PFKP: variants seen among roughly 807,000 people sequenced by gnomAD.
PFKP encodes phosphofructokinase, platelet, also known as ATP-dependent 6-phosphofructokinase, platelet type.
PFKP carries 101 observed loss-of-function variants against 94.3 expected under a neutral mutation model. That is an observed-to-expected ratio of 1.07 (90% confidence interval 0.91 to 1.26). The LOEUF (loss-of-function observed/expected upper bound fraction) is 1.26. Ranked by LOEUF, PFKP falls within the 50% of genes most tolerant of loss-of-function variation. PFKP has a pLI of 0.00. For missense variants in PFKP, 1,145 were observed against 1,103.3 expected, an observed-to-expected ratio of 1.04 and a Z score of -0.53; for synonymous variants, 573 against 432.6, an observed-to-expected ratio of 1.32 and a Z score of -4.03.
intron 1 of PFKP, chr10:3,068,698 G>C (rs974828128): frequency 3.7e-5 from 36 of 984,758 alleles, no homozygotes; most frequent in Non-Finnish European, 4.1e-5. Flanking sequence ...TGGGGGCGCC[G>C]GTGCCCGGAT....
chr10:3,093,276 C>G (rs1478417263), intron 2 of PFKP, among the ~76,000 whole-genome samples: 2 of 152,064 alleles, frequency 1.3e-5, no homozygotes, highest in Non-Finnish European at 1.5e-5. Flanking sequence ...AAAGACCAAG[C>G]AAGGTTGTCC....
At chr10:3,125,991 ACTG>A (rs1280090745) in intron 16 of PFKP, among the ~76,000 whole-genome samples, 2 of 152,182 alleles carry the variant, frequency 1.3e-5, no homozygotes, top group African/African-American at 4.8e-5. Context: ...GCAAAGCAGA[ACTG>A]CTGGCCGGGG....
chr10:3,080,385 C>T (rs1455712327), intron 1 of PFKP, among the ~76,000 whole-genome samples: 1 of 151,888 alleles, frequency 6.6e-6, no homozygotes, highest in Non-Finnish European at 1.5e-5. Context: ...GGCGTGGTGG[C>T]GGGCGCCTGT....
At position 3,108,745 on chromosome 10, in the gene PFKP, C is replaced by T. The variant is rs1459573061; in HGVS notation, c.915C>T (p.Leu305=). The stretch of plus-strand genomic sequence containing the variant: ...GCTATGACACACGTGTGACCATCCT[C>T]GGGCACGTGCAGAGAGGAGGGACCC... ...QLGYDTRVTI[L]GHVQRGGTPS... Residue 305 remains leucine (L), a synonymous_variant, in exon 9 of 22, where the codon CTC becomes CTT. Transcript: ENST00000381125. 18 of 1,613,852 alleles carry T rather than the reference C, an allele frequency of 1.1e-5. No homozygotes were observed. Among genetic ancestry groups the T allele is most frequent in the South Asian group, 8.8e-5 (8 of 91,078 alleles).
intron 4 of PFKP, among the ~76,000 whole-genome samples, chr10:3,102,213 T>C (rs1835079403): frequency 1.7e-5 from 2 of 114,418 alleles, no homozygotes; most frequent in African/African-American, 6.7e-5. Context: ...GTCCCGCCAC[T>C]GCACTCCAGC....
Position 3,123,174 on chromosome 10 carries a change from G to A in PFKP, c.1683+3130G>A, listed in dbSNP as rs376459324. Among the ~76,000 whole-genome samples, 198 of 152,318 alleles carry A rather than the reference G, an allele frequency of 1.3e-3. 9 individuals carry two copies. In the South Asian group the frequency reaches 0.04, roughly 31 times the overall value. ...CGGTGTGACACGTTCTCAGGATACG[G>A]CTGCAGGGAGTTTCAGTCCGACCCT... is the stretch of plus-strand genomic sequence containing the variant. On this transcript the variant is annotated intron_variant, in intron 16 of 21. Coordinates refer to ENST00000381125, the MANE Select transcript of PFKP (RefSeq NM_002627.5).
At chr10:3,125,304 G>A in intron 16 of PFKP, 2 of 1,159,362 alleles carry the variant, frequency 1.7e-6, no homozygotes, top group South Asian at 3.1e-5. Context: ...TTAGCAACTT[G>A]TTTCTTCTGT....
rs1399669536 is a variant in PFKP, at chr10:3,107,308, A to G, written c.869A>G (p.Glu290Gly). The stretch of plus-strand genomic sequence containing the variant: ...CCCATCACCTCTGAGAAAATCAAAG[A>G]GGTGAGTGTGTGTAGCTGCTCACTT... ...NKPITSEKIKELVVTQLGYDT... is the reference protein window; with the variant it reads ...NKPITSEKIKGLVVTQLGYDT... The change falls in exon 8 of 22, where the codon GAG becomes GGG. Residue 290 changes from glutamate (E) to glycine (G), a missense_variant and splice_region_variant. Transcript: ENST00000381125. 6.3e-7 allele frequency: 1 copy of G among 1,581,688 alleles called. No homozygotes were observed. Among genetic ancestry groups the G allele is most frequent in the Admixed American group, 1.7e-5 (1 of 59,950 alleles).
At chr10:3,099,181 C>A (rs1834751104) in intron 2 of PFKP, 94 bp from the exon 3 acceptor site, 3 of 966,396 alleles carry the variant, frequency 3.1e-6, no homozygotes, top group Non-Finnish European at 5.0e-6. Context: ...AACTGACATT[C>A]ACTGTCATTT....
At chr10:3,069,817 C>T (rs980081249) in intron 1 of PFKP, among the ~76,000 whole-genome samples, 1 of 152,140 alleles carries the variant, frequency 6.6e-6, no homozygotes, top group African/African-American at 2.4e-5. Flanking sequence ...TGCTAAAATG[C>T]GCGGGAGTTT....
At chr10:3,102,897 C>G (rs1676393195) in intron 4 of PFKP, among the ~76,000 whole-genome samples, 1 of 152,376 alleles carries the variant, frequency 6.6e-6, no homozygotes, top group East Asian at 1.9e-4. Context: ...GCTTGTCCAC[C>G]TCATCCCGTC....
chr10:3,128,236 A>C (rs534101089), intron 16 of PFKP, among the ~76,000 whole-genome samples: 3 of 152,330 alleles, frequency 2.0e-5, no homozygotes, highest in African/African-American at 7.2e-5. Flanking sequence ...TCCTGTCCTC[A>C]TGGAATTTGC....
At chr10:3,134,658 G>C (rs988247135) in intron 20 of PFKP, 76 bp downstream of exon 20, 1 of 880,794 alleles carries the variant, frequency 1.1e-6, no homozygotes, top group African/African-American at 1.7e-5. Context: ...TGTCCTATCG[G>C]GGAGAAGTAG....
Position 3,136,450 on chromosome 10 carries a change from G to A in PFKP, c.2226G>A (p.Glu742=), listed in dbSNP as rs1017484538. ...VAELKKQTDF[E]HRIPKEQWWL... is the part of the protein sequence containing the mutation. ...CTGCTGTCTCCTCTTACCTCCACAGGCACAGGATTCCCAAAGAACAGTGGT... is the reference window on the plus strand; with the variant it reads ...CTGCTGTCTCCTCTTACCTCCACAGACACAGGATTCCCAAAGAACAGTGGT... Residue 742 remains glutamate (E), a splice_region_variant and synonymous_variant, in exon 22 of 22, where the codon GAG becomes GAA. Transcript: ENST00000381125. 1 of 1,613,146 alleles carries A rather than the reference G, an allele frequency of 6.2e-7. No homozygotes were observed. Among genetic ancestry groups the A allele is most frequent in the African/African-American group, 1.3e-5 (1 of 74,876 alleles).
At chr10:3,079,445 A>G (rs1272054884) in intron 1 of PFKP, among the ~76,000 whole-genome samples, 2 of 151,996 alleles carry the variant, frequency 1.3e-5, no homozygotes, top group Non-Finnish European at 2.9e-5. Context: ...CATGTTAGCC[A>G]GGATGGTCTC....
chr10:3,133,405 T>C (rs941533450), intron 19 of PFKP, 91 bp downstream of exon 19: 24 of 846,228 alleles, frequency 2.8e-5, no homozygotes, highest in African/African-American at 5.0e-5. Context: ...TGGGGAAAAA[T>C]GTATAAGTAA....
chr10:3,133,159 C>T, intron 18 of PFKP, 44 bp from the exon 19 acceptor site: 6 of 1,432,942 alleles, frequency 4.2e-6, no homozygotes, highest in Non-Finnish European at 5.9e-6. Context: ...GAGCCACGTG[C>T]CCACTGCACG....
Position 3,133,322 on chromosome 10 carries a change from C to T in PFKP, c.2022+8C>T, listed in dbSNP as rs573406548. The T allele has an allele frequency of 9.6e-6, 15 of 1,567,054 alleles. No individual in the cohort carries two copies. The highest frequency in any genetic ancestry group is 5.4e-5 in the African/African-American group (4 of 73,962). ...CTGGGTCACATGCAGCAGGTAGGCC[C>T]GAGACTGCATGAGGGGCCACAAAGC... is the stretch of plus-strand genomic sequence containing the variant. On this transcript the variant is annotated splice_region_variant and intron_variant, in intron 19 of 21. Coordinates refer to ENST00000381125, the MANE Select transcript of PFKP (RefSeq NM_002627.5).
chr10:3,125,573 G>A (rs895619756), intron 16 of PFKP, among the ~76,000 whole-genome samples: 1 of 151,912 alleles, frequency 6.6e-6, no homozygotes, highest in African/African-American at 2.4e-5. Flanking sequence ...TGCAGGGCCA[G>A]CTGTGGGAGC....
Sources: allele counts gnomAD v4.1 joint callset (sites outside exome capture counted in the v4.1 genomes callset), GRCh38; gene constraint gnomAD v4.1.1; transcripts MANE v1.5; gene names NCBI Gene and HGNC (gene_info 2026-07-23, HGNC 2026-07-21).